Variants in CDC42BPA observed in about 807,000 individuals in gnomAD.
CDC42BPA encodes the protein CDC42 binding protein kinase alpha.
A neutral mutation model predicts 223.5 loss-of-function variants in CDC42BPA; 80 were observed. The observed-to-expected ratio is 0.36, with a 90% confidence interval of 0.30 to 0.43. The LOEUF (loss-of-function observed/expected upper bound fraction) is 0.43. CDC42BPA is among the 20% of genes least tolerant of loss of function. The pLI, the probability that CDC42BPA is intolerant of heterozygous loss-of-function variation, is 1.00. For synonymous variants in CDC42BPA, 694 were observed against 718.6 expected (o/e 0.97, Z 0.55); for missense variants, 1,743 against 2,099.9 (o/e 0.83, Z 3.32).
chr1:227,296,337 C>T (rs7512409), intron 1 of CDC42BPA, among the ~76,000 whole-genome samples: 95,416 of 152,008 alleles, frequency 0.63, 30,106 homozygotes, highest in East Asian at 0.74. Context: ...AGTTGGATAC[C>T]TACTTCAAAT....
chr1:227,001,433 CA>C (rs1303503908), intron 35 of CDC42BPA, among the ~76,000 whole-genome samples: 1 of 152,218 alleles, frequency 6.6e-6, no homozygotes, highest in African/African-American at 2.4e-5. Context: ...CTGTCGTTTG[CA>C]TGCCATCAGC....
intron 11 of CDC42BPA, among the ~76,000 whole-genome samples, chr1:227,128,003 T>C (rs1303960607): frequency 6.6e-6 from 1 of 152,158 alleles, no homozygotes; most frequent in African/African-American, 2.4e-5. Flanking sequence ...CTCTAAACCC[T>C]GCGAAAAACT....
intron 27 of CDC42BPA, among the ~76,000 whole-genome samples, chr1:227,032,760 GA>G (rs1277248291): frequency 3.9e-5 from 6 of 152,164 alleles, no homozygotes; most frequent in Non-Finnish European, 8.8e-5. Flanking sequence ...AGTTCACAAA[GA>G]GGAGAACTGA....
intron 1 of CDC42BPA, among the ~76,000 whole-genome samples, chr1:227,275,402 G>T (rs1453798437): frequency 1.3e-5 from 2 of 148,542 alleles, no homozygotes. Flanking sequence ...TTTAAAAGAT[G>T]GAAAAGAGAA....
chr1:227,130,761 A>G (rs764181023), intron 10 of CDC42BPA, among the ~76,000 whole-genome samples: 34 of 152,208 alleles, frequency 2.2e-4, no homozygotes, highest in Non-Finnish European at 4.0e-4. Flanking sequence ...AGGCTGAGGC[A>G]GGAGAAACGC....
intron 1 of CDC42BPA, among the ~76,000 whole-genome samples, chr1:227,306,351 G>A (rs570442986): frequency 7.9e-5 from 12 of 152,238 alleles, no homozygotes; most frequent in African/African-American, 1.4e-4. Flanking sequence ...GATGCACACA[G>A]AGGTTGAATA....
At chr1:227,225,801 G>C (rs997422421) in intron 2 of CDC42BPA, among the ~76,000 whole-genome samples, 8 of 152,148 alleles carry the variant, frequency 5.3e-5, no homozygotes, top group Non-Finnish European at 1.2e-4. Flanking sequence ...TGATTTCCTT[G>C]AAAACACAAT....
intron 2 of CDC42BPA, among the ~76,000 whole-genome samples, chr1:227,219,818 A>T (rs1000787428): frequency 6.6e-6 from 1 of 152,164 alleles, no homozygotes; most frequent in African/African-American, 2.4e-5. Context: ...TTTCATCAGG[A>T]ATGAATAAGC....
rs575764740 is a variant in CDC42BPA, at chr1:227,135,228, C to A, written c.1390+4348G>T. On this transcript the variant is annotated intron_variant, in intron 10 of 36. Coordinates refer to ENST00000366766, the MANE Select transcript of CDC42BPA (RefSeq NM_001394014.1). ...ATTTGGAAATCTCAAAGTCCCTAAG[C>A]ATATGGTGCTTTTATTCCCATGGTA... Among the ~76,000 whole-genome samples the A allele has an allele frequency of 1.4e-4, 21 of 152,268 alleles. No homozygotes were observed. The East Asian group carries it at 4.0e-3, about 29-fold the overall frequency.
At chr1:227,213,978 A>G (rs781011381) in intron 2 of CDC42BPA, among the ~76,000 whole-genome samples, 2 of 152,158 alleles carry the variant, frequency 1.3e-5, no homozygotes. Flanking sequence ...GTTTAACCAG[A>G]TAATCTGTAA....
intron 3 of CDC42BPA, among the ~76,000 whole-genome samples, chr1:227,208,885 C>T (rs967407808): frequency 6.6e-6 from 1 of 152,008 alleles, no homozygotes; most frequent in Admixed American, 6.6e-5. Flanking sequence ...TTTTCCAATT[C>T]TGTGAAGAAA....
chr1:227,139,617 C>A lies in CDC42BPA; in HGVS notation c.1349G>T (p.Arg450Leu). The part of the protein sequence containing the change: ...ATEAYERRIK[R>L]LEQEKLELSR... ...GAGTTCAAGTTTTTCTTGCTCAAGGCGCTTAATTCTTCTTTCATAAGCTTC... is the reference window on the plus strand; with the variant it reads ...GAGTTCAAGTTTTTCTTGCTCAAGGAGCTTAATTCTTCTTTCATAAGCTTC... Residue 450 changes from arginine to leucine, a missense_variant, in exon 10 of 37, where the codon CGC becomes CTC. By Grantham distance (102) the Arg-to-Leu change is moderately radical. Coordinates refer to ENST00000366766, the MANE Select transcript of CDC42BPA (RefSeq NM_001394014.1). 3 of 1,606,942 alleles carry A rather than the reference C, an allele frequency of 1.9e-6. No homozygotes were observed. The highest frequency in any genetic ancestry group is 2.5e-6 in the Non-Finnish European group (3 of 1,177,468).
intron 15 of CDC42BPA, among the ~76,000 whole-genome samples, chr1:227,100,747 AGTGTGTGTGTGTGT>A (rs57210205): frequency 7.3e-6 from 1 of 137,424 alleles, no homozygotes; most frequent in East Asian, 2.2e-4. Flanking sequence ...ATACCCAGCT[AGTGTGTGTGTGTGT>A]GTGTGTGTGT....
At chr1:227,017,133 A>G in intron 32 of CDC42BPA, 83 bp from the exon 33 acceptor site, 1 of 1,248,466 alleles carries the variant, frequency 8.0e-7, no homozygotes, top group Non-Finnish European at 1.1e-6. Context: ...AAGACAGTAC[A>G]AACATTGATA....
At chr1:227,310,336 C>G (rs1370880283) in intron 1 of CDC42BPA, among the ~76,000 whole-genome samples, 1 of 152,182 alleles carries the variant, frequency 6.6e-6, no homozygotes, top group Non-Finnish European at 1.5e-5. Context: ...TTCCAGAACA[C>G]ACTTTGAAAC....
intron 1 of CDC42BPA, among the ~76,000 whole-genome samples, chr1:227,297,426 A>G (rs935187539): frequency 3.3e-5 from 5 of 152,116 alleles, no homozygotes; most frequent in Admixed American, 3.3e-4. Flanking sequence ...CAGAAATATC[A>G]CTCCTAAGCA....
intron 1 of CDC42BPA, among the ~76,000 whole-genome samples, chr1:227,295,772 A>G (rs1238856911): frequency 6.6e-6 from 1 of 152,140 alleles, no homozygotes; most frequent in African/African-American, 2.4e-5. Context: ...CCTCATCATC[A>G]CAGTCCAAGC....
At chr1:227,018,169 C>T (rs2148516523) in intron 32 of CDC42BPA, among the ~76,000 whole-genome samples, 1 of 152,032 alleles carries the variant, frequency 6.6e-6, no homozygotes, top group South Asian at 2.1e-4. Context: ...GTCTTGGCCT[C>T]CCAAAGAGCT....
chr1:227,093,398 A>G (rs1338399797), intron 15 of CDC42BPA, among the ~76,000 whole-genome samples: 1 of 152,208 alleles, frequency 6.6e-6, no homozygotes, highest in Non-Finnish European at 1.5e-5. Context: ...GTGAGAAAGA[A>G]AAGAAACTTT....
Sources: gnomAD v4.1 joint callset for allele counts (sites outside exome capture counted in the v4.1 genomes callset) on GRCh38, gnomAD v4.1.1 for gene constraint, MANE v1.5 for transcripts, NCBI Gene and HGNC (gene_info 2026-07-23, HGNC 2026-07-21) for gene names.